Variants in CHLSN observed in about 807,000 individuals in gnomAD.
The protein encoded by CHLSN is cholesin, also known as protein cholesin.
chr7:978,349 G>A, the CHLSN span, among the ~76,000 whole-genome samples: 4 of 152,022 alleles, frequency 2.6e-5, no homozygotes, highest in African/African-American at 7.2e-5. Flanking sequence ...GAAACCCTAC[G>A]TCTATAAAAA....
chr7:1,117,498 G>A, the CHLSN span, among the ~76,000 whole-genome samples: 31 of 125,918 alleles, frequency 2.5e-4, no homozygotes, highest in Non-Finnish European at 3.8e-4. Flanking sequence ...TTCCATCACC[G>A]ACATCCACGC....
the CHLSN span, among the ~76,000 whole-genome samples, chr7:1,066,562 GGA>G: frequency 6.6e-6 from 1 of 152,242 alleles, no homozygotes. Flanking sequence ...AAAAGCTGGA[GGA>G]GAGAAGGGGG....
the CHLSN span, among the ~76,000 whole-genome samples, chr7:1,116,372 A>AG: frequency 1.6e-5 from 2 of 124,542 alleles, no homozygotes; most frequent in East Asian, 3.4e-4. Flanking sequence ...CTCTAGGGAC[A>AG]GCTTCCATCA....
the CHLSN span, among the ~76,000 whole-genome samples, chr7:1,017,978 G>T: frequency 6.6e-6 from 1 of 152,264 alleles, no homozygotes; most frequent in Non-Finnish European, 1.5e-5. Flanking sequence ...TCCAGCAGGT[G>T]ACAGAAGACC....
chr7:1,121,467 C>G, the CHLSN span, among the ~76,000 whole-genome samples: 3 of 152,254 alleles, frequency 2.0e-5, no homozygotes, highest in Non-Finnish European at 2.9e-5. Flanking sequence ...AGCAAATTCT[C>G]AAGGCCATGA....
At chr7:1,055,065 G>A in the CHLSN span, among the ~76,000 whole-genome samples, 22 of 145,390 alleles carry the variant, frequency 1.5e-4, no homozygotes, top group East Asian at 4.1e-3. Flanking sequence ...GGGATGCCCC[G>A]CAGCGATGCA....
the CHLSN span, among the ~76,000 whole-genome samples, chr7:1,019,712 C>A: frequency 2.0e-5 from 3 of 152,362 alleles, no homozygotes; most frequent in Admixed American, 2.0e-4. Flanking sequence ...GCAGCCAGGG[C>A]TTCCAGATGG....
chr7:1,016,869 G>T, the CHLSN span, among the ~76,000 whole-genome samples: 1 of 48,656 alleles, frequency 2.1e-5, no homozygotes, highest in Non-Finnish European at 4.1e-5. Flanking sequence ...ACAGCACACA[G>T]CAGCGCACAG....
chr7:1,070,183 T>C, the CHLSN span, among the ~76,000 whole-genome samples: 1 of 116,742 alleles, frequency 8.6e-6, no homozygotes, highest in East Asian at 2.5e-4. Flanking sequence ...GAGGAGCCTC[T>C]CCGCCCGGCA....
At chr7:1,092,769 C>T in the CHLSN span, 1 of 1,613,668 alleles carries the variant, frequency 6.2e-7, no homozygotes, top group Non-Finnish European at 8.5e-7. Flanking sequence ...ATTTGCCGGC[C>T]CTGAACCGCT....
At chr7:1,095,947 A>AGCAGCG in the CHLSN span, among the ~76,000 whole-genome samples, 1 of 152,228 alleles carries the variant, frequency 6.6e-6, no homozygotes, top group Non-Finnish European at 1.5e-5. Context: ...CAGGGACGGC[A>AGCAGCG]GCAGCGGCAG....
At chr7:1,034,625 A>C in the CHLSN span, among the ~76,000 whole-genome samples, 1 of 152,120 alleles carries the variant, frequency 6.6e-6, no homozygotes, top group Non-Finnish European at 1.5e-5. Flanking sequence ...TCAAAATTTT[A>C]TTTTAGGTTT....
the CHLSN span, among the ~76,000 whole-genome samples, chr7:1,090,953 T>A: frequency 8.5e-3 from 1,263 of 149,416 alleles, 83 homozygotes; most frequent in Admixed American, 0.074. Flanking sequence ...TGCTCTGATG[T>A]CCAGCTTTCT....
At chr7:1,138,096 A>AG in the CHLSN span, 15 of 150,228 alleles carry the variant, frequency 1.0e-4, no homozygotes, top group African/African-American at 3.6e-4. Flanking sequence ...ACCCACGTGG[A>AG]GGGGGCGGAG....
the CHLSN span, among the ~76,000 whole-genome samples, chr7:1,095,275 A>C: frequency 3.1e-4 from 39 of 123,840 alleles, no homozygotes; most frequent in South Asian, 6.5e-4. Flanking sequence ...AGCCCCCCAA[A>C]CCCCCACCCC....
At chr7:1,012,796 C>T in the CHLSN span, among the ~76,000 whole-genome samples, 1 of 152,170 alleles carries the variant, frequency 6.6e-6, no homozygotes, top group African/African-American at 2.4e-5. Context: ...CTCCACTCTG[C>T]GCCATCGGCT....
the CHLSN span, among the ~76,000 whole-genome samples, chr7:1,013,055 G>A: frequency 3.5e-4 from 54 of 152,314 alleles, no homozygotes; most frequent in South Asian, 0.011. Context: ...AATGGGAGCA[G>A]CGCGGGAGGG....
At chr7:1,108,438 T>C in the CHLSN span, among the ~76,000 whole-genome samples, 1 of 151,998 alleles carries the variant, frequency 6.6e-6, no homozygotes, top group East Asian at 1.9e-4. Flanking sequence ...TGGCGGGCCC[T>C]GTGGGCAGCT....
At chr7:1,053,471 A>G in the CHLSN span, among the ~76,000 whole-genome samples, 2 of 152,190 alleles carry the variant, frequency 1.3e-5, no homozygotes, top group African/African-American at 2.4e-5. Flanking sequence ...ACTGGCTCAC[A>G]TGACTCGCCA....
Sources: allele counts gnomAD v4.1 joint callset (sites outside exome capture counted in the v4.1 genomes callset), GRCh38; gene constraint gnomAD v4.1.1; transcripts MANE v1.5; gene names NCBI Gene and HGNC (gene_info 2026-07-23, HGNC 2026-07-21).